The following UNC13B variants were observed in gnomAD, a reference collection of about 807,000 sequenced individuals.
UNC13B encodes protein unc-13 homolog B.
In UNC13B, 144 loss-of-function variants were observed where a neutral mutation model predicts 211.0. That is an observed-to-expected ratio of 0.68 (90% CI 0.60 to 0.78). The LOEUF (loss-of-function observed/expected upper bound fraction) is 0.78. Among genes scored for constraint, UNC13B ranks in the 30% least tolerant of loss-of-function variants. The probability of loss-of-function intolerance (pLI) is 0.00; values close to 1 mark genes in which losing one functional copy is unlikely to be tolerated. For missense variants in UNC13B, 1,777 were observed against 2,002.0 expected, an observed-to-expected ratio of 0.89 and a Z score of 2.14; for synonymous variants, 709 against 725.8, an observed-to-expected ratio of 0.98 and a Z score of 0.37.
intron 1 of UNC13B, among the ~76,000 whole-genome samples, chr9:35,168,906 C>T (rs1205692293): frequency 6.6e-6 from 1 of 151,970 alleles, no homozygotes; most frequent in Non-Finnish European, 1.5e-5. Context: ...CTCCTGGGCT[C>T]AAGCAATCTG....
intron 27 of UNC13B, 27 bp downstream of exon 27, chr9:35,396,629 G>A (rs780314826): frequency 2.5e-6 from 4 of 1,613,252 alleles, no homozygotes; most frequent in South Asian, 1.1e-5. Flanking sequence ...GCACTACAGA[G>A]GGAAGGGAGC....
rs1829634267 is a variant in UNC13B, at chr9:35,300,712, T to G, written c.1308T>G (p.Ser436=). 1 of 398,878 alleles carries G rather than the reference T, an allele frequency of 2.5e-6. No individual in the cohort carries two copies. Among genetic ancestry groups the G allele is most frequent in the African/African-American group, 2.1e-5 (1 of 48,636 alleles). The allele number at this position is 398,878 out of a possible 1,614,324, so 24.7% of individuals were successfully genotyped here. A position where few individuals can be genotyped will look rare whatever the true frequency, so the allele number is the denominator to read the frequency against. The part of the protein sequence containing the change: ...NCDAKTLGDL[S]ECSIEEITPS... The stretch of plus-strand genomic sequence containing the variant: ...ATGCAAAAACACTTGGAGATCTGTC[T>G]GAGTGCTCTATAGAAGAGATAACCC... The change falls in exon 9 of 40, where the codon TCT becomes TCG. Residue 436 remains serine, a synonymous_variant. Coordinates refer to ENST00000635942, the MANE Select transcript of UNC13B (RefSeq NM_001371189.2).
At chr9:35,228,603 T>C (rs546842344) in intron 2 of UNC13B, among the ~76,000 whole-genome samples, 1 of 152,170 alleles carries the variant, frequency 6.6e-6, no homozygotes, top group East Asian at 1.9e-4. Flanking sequence ...TATGTATCTA[T>C]TGGGTCATAT....
chr9:35,372,253 C>T (rs1440139557), intron 13 of UNC13B, among the ~76,000 whole-genome samples: 4 of 152,246 alleles, frequency 2.6e-5, no homozygotes, highest in Non-Finnish European at 5.9e-5. Flanking sequence ...GCCTGGGCGA[C>T]AGTGCAAGAC....
chr9:35,183,474 C>T (rs1242026317), intron 1 of UNC13B, among the ~76,000 whole-genome samples: 2 of 123,958 alleles, frequency 1.6e-5, no homozygotes, highest in Admixed American at 8.4e-5. Context: ...GCAGGGCGGC[C>T]GGGCAGAGGC....
intron 26 of UNC13B, among the ~76,000 whole-genome samples, chr9:35,391,351 G>A (rs1835521203): frequency 6.6e-6 from 1 of 152,130 alleles, no homozygotes; most frequent in African/African-American, 2.4e-5. Context: ...AGCGTTTCCT[G>A]CCATTTTATG....
At position 35,398,884 on chromosome 9, in the gene UNC13B, T is replaced by G. The variant is rs533204933; in HGVS notation, c.11924T>G (p.Phe3975Cys). 1.5e-5 allele frequency: 25 copies of G among 1,613,482 alleles called. 1 individual carries two copies. In the South Asian group the frequency reaches 2.6e-4, roughly 17 times the overall value. Residue 3975 changes from phenylalanine to cysteine, a missense_variant and splice_region_variant, in exon 33 of 40, where the codon TTC (phenylalanine) becomes TGC (cysteine). Transcript: ENST00000635942. ...DELSMVFGNSFQVRIDECVRQ... is the reference protein window; with the variant it reads ...DELSMVFGNSCQVRIDECVRQ... ...CTACACTGCGGGCACATGTGTAGTT[T>G]CCAGGTACGGATTGATGAGTGTGTT...
rs779528617 is a variant in UNC13B, at chr9:35,301,003, A to G, written c.1599A>G (p.Gln533=). The G allele has an allele frequency of 4.8e-5, 19 of 398,884 alleles. No homozygotes were observed. Among genetic ancestry groups the G allele is most frequent in the Non-Finnish European group, 7.5e-5 (17 of 226,022 alleles). The allele number at this position is 398,884 out of a possible 1,614,324, so 24.7% of individuals were successfully genotyped here. Residue 533 remains glutamine (Q), a synonymous_variant, in exon 9 of 40, where the codon CAA becomes CAG. Transcript: ENST00000635942. The part of the protein sequence containing the change: ...AISFPELTGV[Q]CAVGSLFSSL... ...CTTTCCCTGAGTTGACTGGAGTACA[A>G]TGTGCTGTTGGTTCTTTGTTTAGTT...
In UNC13B at chr9:35,303,435, A is replaced by C; in HGVS notation, c.4031A>C (p.Tyr1344Ser). ...NTNILNKSNN[Y>S]QAFEEMNSPF... Reference sequence around the variant, plus strand: ...AACATTCTCAATAAATCAAACAACTATCAGGCTTTTGAAGAGATGAACAGT... The same window carrying C: ...AACATTCTCAATAAATCAAACAACTCTCAGGCTTTTGAAGAGATGAACAGT... The change falls in exon 9 of 40, where the codon TAT becomes TCT. Residue 1344 changes from tyrosine (Y) to serine (S), a missense_variant. Coordinates refer to ENST00000635942, the MANE Select transcript of UNC13B (RefSeq NM_001371189.2). 2.5e-6 allele frequency: 1 copy of C among 398,802 alleles called. No homozygotes were observed. Among genetic ancestry groups the C allele is most frequent in the Non-Finnish European group, 4.4e-6 (1 of 225,842 alleles). The allele number at this position is 398,802 out of a possible 1,614,324, so 24.7% of individuals were successfully genotyped here. A position where few individuals can be genotyped will look rare whatever the true frequency, so the allele number is the denominator to read the frequency against.
At chr9:35,185,952 G>A (rs1158479532) in intron 1 of UNC13B, among the ~76,000 whole-genome samples, 2 of 151,230 alleles carry the variant, frequency 1.3e-5, no homozygotes, top group African/African-American at 4.8e-5. Flanking sequence ...AAACAACACA[G>A]TAAAATAAAA....
intron 12 of UNC13B, among the ~76,000 whole-genome samples, chr9:35,369,301 T>C (rs1341517496): frequency 6.6e-6 from 1 of 152,192 alleles, no homozygotes; most frequent in Non-Finnish European, 1.5e-5. Context: ...ACGTCTTTGC[T>C]CTCATTAAAA....
At chr9:35,270,907 G>A (rs1201523042) in intron 7 of UNC13B, among the ~76,000 whole-genome samples, 1 of 152,116 alleles carries the variant, frequency 6.6e-6, no homozygotes, top group Non-Finnish European at 1.5e-5. Flanking sequence ...CTGGGAGGCC[G>A]AGGCAGGTGG....
In UNC13B at chr9:35,353,513, G is replaced by T. The variant is rs955734229; in HGVS notation, c.9415-13434G>T. On this transcript the variant is annotated intron_variant, in intron 11 of 39. Coordinates refer to ENST00000635942, the MANE Select transcript of UNC13B (RefSeq NM_001371189.2). ...CAGTGTGGTCTCTGGTGGAGTTGGC[G>T]TCTCCACACAGGGAGAGCAAACCCC... The T allele has an allele frequency of 2.4e-6, 3 of 1,231,888 alleles. No homozygotes were observed. In the African/African-American group the frequency reaches 4.7e-5, roughly 19 times the overall value. The allele number at this position is 1,231,888 out of a possible 1,614,324, so 76.3% of individuals were successfully genotyped here.
chr9:35,255,034 T>G (rs1273368269), intron 6 of UNC13B, among the ~76,000 whole-genome samples: 1 of 118,542 alleles, frequency 8.4e-6, no homozygotes, highest in Non-Finnish European at 1.6e-5. Flanking sequence ...TATAATATAA[T>G]ATATATTATA....
Position 35,404,036 on chromosome 9 carries a change from A to G in UNC13B, c.*3A>G. The G allele has an allele frequency of 6.2e-7, 1 of 1,610,166 alleles. No homozygotes were observed. The highest frequency in any genetic ancestry group is 8.5e-7 in the Non-Finnish European group (1 of 1,178,014). On this transcript the variant is annotated 3_prime_UTR_variant, in exon 40 of 40. Coordinates refer to ENST00000635942, the MANE Select transcript of UNC13B (RefSeq NM_001371189.2). ...GTTCCACGGAGGAGGGGAGCTGAAC[A>G]CCTTCGACTCCTGTGCCAATCAGGC...
intron 24 of UNC13B, among the ~76,000 whole-genome samples, 185 bp downstream of exon 24, chr9:35,386,478 A>G (rs970288934): frequency 6.6e-6 from 1 of 152,212 alleles, no homozygotes; most frequent in Non-Finnish European, 1.5e-5. Flanking sequence ...CCCCTGGGCA[A>G]GATGAGACAT....
intron 11 of UNC13B, chr9:35,351,732 G>A (rs1587678438): frequency 8.1e-7 from 1 of 1,232,282 alleles, no homozygotes; most frequent in Non-Finnish European, 1.0e-6. Flanking sequence ...GATAGAGATG[G>A]GGACCTGGCC....
At chr9:35,260,036 TACAA>T (rs1827172121) in intron 7 of UNC13B, among the ~76,000 whole-genome samples, 1 of 922 alleles carries the variant, frequency 1.1e-3, no homozygotes, top group Admixed American at 0.021. Flanking sequence ...ACCTCATTTC[TACAA>T]AAAAAAAAAA....
chr9:35,355,056 G>A (rs1489275411), intron 11 of UNC13B, among the ~76,000 whole-genome samples: 1 of 152,166 alleles, frequency 6.6e-6, no homozygotes, highest in Non-Finnish European at 1.5e-5. Flanking sequence ...ATGGGATATA[G>A]TACTGTGTAG....
Sources: gnomAD v4.1 joint callset for allele counts (sites outside exome capture counted in the v4.1 genomes callset) on GRCh38, gnomAD v4.1.1 for gene constraint, MANE v1.5 for transcripts, NCBI Gene and HGNC (gene_info 2026-07-23, HGNC 2026-07-21) for gene names.